LCORL: variants seen among roughly 807,000 people sequenced by gnomAD.
LCORL encodes the protein ligand-dependent nuclear receptor corepressor-like protein.
A neutral mutation model predicts 141.8 loss-of-function variants in LCORL; 41 were observed. The observed-to-expected ratio is 0.29, with a 90% CI of 0.23 to 0.38. LCORL has a LOEUF of 0.38. Among genes scored for constraint, LCORL ranks in the 10% least tolerant of loss-of-function variants. The probability of loss-of-function intolerance (pLI) is 1.00; values close to 1 mark genes in which losing one functional copy is unlikely to be tolerated. For missense variants in LCORL, 1,759 were observed against 2,035.0 expected (o/e 0.86, Z 2.61); for synonymous variants, 618 against 694.1 (o/e 0.89, Z 1.72).
chr4:17,858,989 C>A (rs1027677180), intron 7 of LCORL, among the ~76,000 whole-genome samples: 1 of 152,084 alleles, frequency 6.6e-6, no homozygotes, highest in Non-Finnish European at 1.5e-5. Context: ...AAGCAAGAAG[C>A]AAGTAGAACA....
At chr4:17,866,954 T>C in intron 7 of LCORL, 2 of 983,070 alleles carry the variant, frequency 2.0e-6, no homozygotes, top group Non-Finnish European at 2.4e-6. Context: ...TTCTAGCAGG[T>C]GGTAGCAGCT....
intron 1 of LCORL, among the ~76,000 whole-genome samples, chr4:17,997,885 T>C (rs1721157733): frequency 6.6e-6 from 1 of 152,150 alleles, no homozygotes; most frequent in Non-Finnish European, 1.5e-5. Flanking sequence ...CAAAATACTC[T>C]TGCAAATTGA....
intron 5 of LCORL, among the ~76,000 whole-genome samples, chr4:17,901,350 C>A (rs1024781142): frequency 2.0e-5 from 3 of 149,664 alleles, no homozygotes; most frequent in Non-Finnish European, 4.4e-5. Context: ...CTAGAGAAAA[C>A]GTCTTTTAAG....
Position 18,016,903 on chromosome 4 carries a change from C to CT in LCORL, c.154+4694dup, listed in dbSNP as rs1724727516. Reference sequence around the variant, plus strand: ...AAATGGTTACAGTGATTATCAGCTTCTGTATCATAAAAATCAGGTTTAAAA... The same window carrying CT: ...AAATGGTTACAGTGATTATCAGCTTCTTGTATCATAAAAATCAGGTTTAAAA... On this transcript the variant is annotated intron_variant, in intron 1 of 7. Coordinates refer to ENST00000635767, the Ensembl canonical transcript of LCORL. 9.2e-5 allele frequency among the ~76,000 whole-genome samples: 14 copies of CT among 152,194 alleles called. No individual in the cohort carries two copies. The South Asian group carries it at 2.9e-3, about 32-fold the overall frequency.
intron 4 of LCORL, among the ~76,000 whole-genome samples, chr4:17,940,433 A>G (rs1044259186): frequency 2.6e-4 from 38 of 147,720 alleles, no homozygotes; most frequent in African/African-American, 9.1e-4. Flanking sequence ...TTATATTACT[A>G]TAATATAGTA....
intron 4 of LCORL, among the ~76,000 whole-genome samples, chr4:17,947,257 C>T (rs1335578711): frequency 6.6e-6 from 1 of 151,890 alleles, no homozygotes; most frequent in Non-Finnish European, 1.5e-5. Flanking sequence ...AATTGGAGAA[C>T]ATTATATAAA....
At chr4:18,009,995 G>A (rs1471163669) in intron 1 of LCORL, among the ~76,000 whole-genome samples, 3 of 152,130 alleles carry the variant, frequency 2.0e-5, no homozygotes, top group Non-Finnish European at 2.9e-5. Flanking sequence ...AGAAAGGGAG[G>A]AGGAAGAAGA....
intron 1 of LCORL, among the ~76,000 whole-genome samples, chr4:17,981,117 A>G (rs753749284): frequency 6.6e-6 from 1 of 152,212 alleles, no homozygotes; most frequent in African/African-American, 2.4e-5. Context: ...ACTGAAAGCT[A>G]TATAACTTTT....
chr4:17,895,868 A>G (rs1479295709), intron 5 of LCORL, among the ~76,000 whole-genome samples: 1 of 152,218 alleles, frequency 6.6e-6, no homozygotes, highest in East Asian at 1.9e-4. Context: ...TGTAGCATGC[A>G]TCAGTACTCC....
chr4:17,917,640 T>C (rs1733661751), intron 4 of LCORL, among the ~76,000 whole-genome samples: 1 of 152,232 alleles, frequency 6.6e-6, no homozygotes, highest in Non-Finnish European at 1.5e-5. Flanking sequence ...TAAGATTAAA[T>C]CAGGAAAACA....
intron 7 of LCORL, among the ~76,000 whole-genome samples, chr4:17,853,734 C>T (rs1724036098): frequency 6.6e-6 from 1 of 152,112 alleles, no homozygotes; most frequent in Non-Finnish European, 1.5e-5. Flanking sequence ...CTAGCTATTA[C>T]AGCTCAGCTC....
intron 1 of LCORL, among the ~76,000 whole-genome samples, chr4:17,975,553 C>T (rs530478122): frequency 9.2e-5 from 14 of 152,022 alleles, no homozygotes; most frequent in African/African-American, 2.9e-4. Flanking sequence ...CATGCCATCA[C>T]GCCCGGCTAT....
intron 1 of LCORL, among the ~76,000 whole-genome samples, chr4:18,001,284 A>AT (rs1721918256): frequency 7.0e-6 from 1 of 143,524 alleles, no homozygotes; most frequent in South Asian, 2.3e-4. Flanking sequence ...TATACCTGGC[A>AT]TAAGTATTAA....
At chr4:17,946,295 A>G (rs1738864435) in intron 4 of LCORL, among the ~76,000 whole-genome samples, 1 of 151,950 alleles carries the variant, frequency 6.6e-6, no homozygotes, top group Non-Finnish European at 1.5e-5. Flanking sequence ...TCTGAACTGT[A>G]TTACTGTATA....
chr4:17,859,815 C>A (rs573998469), intron 7 of LCORL, among the ~76,000 whole-genome samples: 1 of 152,156 alleles, frequency 6.6e-6, no homozygotes, highest in Non-Finnish European at 1.5e-5. Flanking sequence ...ACACCAACAA[C>A]AGTCCAAGCT....
exon 7 of LCORL, chr4:17,878,113 G>T: frequency 8.1e-7 from 1 of 1,230,500 alleles, no homozygotes; most frequent in Non-Finnish European, 1.0e-6. Flanking sequence ...GCCAAAACTT[G>T]TTGCTGGTGA....
At chr4:17,915,116 C>G (rs1202250738) in intron 4 of LCORL, among the ~76,000 whole-genome samples, 1 of 152,116 alleles carries the variant, frequency 6.6e-6, no homozygotes, top group African/African-American at 2.4e-5. Context: ...TTTCCCTCCT[C>G]CTCTATCTCC....
chr4:17,960,052 A>G (rs1713472215), intron 4 of LCORL, among the ~76,000 whole-genome samples: 1 of 152,194 alleles, frequency 6.6e-6, no homozygotes, highest in Non-Finnish European at 1.5e-5. Context: ...TTTTATTGAA[A>G]GCAAATTTAA....
intron 7 of LCORL, among the ~76,000 whole-genome samples, chr4:17,853,503 A>C (rs1225613637): frequency 6.6e-6 from 1 of 152,146 alleles, no homozygotes; most frequent in Non-Finnish European, 1.5e-5. Flanking sequence ...AGTATTCTTT[A>C]GGTCAAGAGT....
Sources: allele counts gnomAD v4.1 joint callset (sites outside exome capture counted in the v4.1 genomes callset), GRCh38; gene constraint gnomAD v4.1.1; transcripts MANE v1.5; gene names NCBI Gene and HGNC (gene_info 2026-07-23, HGNC 2026-07-21).